The following SPEM1 variants were observed in gnomAD, a reference collection of about 807,000 sequenced individuals.
SPEM1 encodes the protein spermatid maturation protein 1.
A neutral mutation model predicts 9.0 loss-of-function variants in SPEM1; 10 were observed. The ratio of observed to expected loss-of-function variants is 1.11; its 90% CI spans 0.68 to 1.88. The LOEUF (loss-of-function observed/expected upper bound fraction) is 1.88, where lower values mean the gene tolerates loss of function less well. Ranked by LOEUF, SPEM1 falls within the 40% of genes most tolerant of loss-of-function variation. The probability of loss-of-function intolerance (pLI) is 0.00; values close to 1 mark genes in which losing one functional copy is unlikely to be tolerated. For missense variants in SPEM1, 401 were observed against 408.6 expected, an observed-to-expected ratio of 0.98 and a Z score of 0.16; for synonymous variants, 175 against 157.8, an observed-to-expected ratio of 1.11 and a Z score of -0.82.
chr17:7,420,832 C>G (rs1452298801), intron 2 of SPEM1, 49 bp from the exon 3 acceptor site: 57 of 1,605,694 alleles, frequency 3.5e-5, no homozygotes, highest in Admixed American at 5.0e-5. Flanking sequence ...CCTCTCCATG[C>G]CTGTAGGAGC....
rs750576839 is a variant in SPEM1 at position 7,420,651 on chromosome 17, T to G, written c.169T>G (p.Leu57Val). The G allele has an allele frequency of 6.2e-7, 1 of 1,614,092 alleles. No homozygotes were observed. The highest frequency in any genetic ancestry group is 2.2e-5 in the East Asian group (1 of 44,886). ...GCTCTGGAGCCGATTCCGTGGTGTC[T>G]TATACCAAGTGTTCCATGATACCAT... is the stretch of plus-strand genomic sequence containing the variant. ...TLLWSRFRGVLYQVFHDTICE... is the reference protein window; with the variant it reads ...TLLWSRFRGVVYQVFHDTICE... The change falls in exon 2 of 3, where the codon TTA becomes GTA. Residue 57 changes from leucine (L) to valine (V), a missense_variant. By Grantham distance (32) the Leu-to-Val change is conservative. Coordinates refer to ENST00000323675, the MANE Select transcript of SPEM1 (RefSeq NM_199339.3).
rs1471073927 is a variant in SPEM1, at chr17:7,420,548, G to A, written c.144+20G>A. The A allele has an allele frequency of 6.2e-7, 1 of 1,613,646 alleles. No individual in the cohort carries two copies. The highest frequency in any genetic ancestry group is 8.5e-7 in the Non-Finnish European group (1 of 1,179,648). On this transcript the variant is annotated intron_variant, in intron 1 of 2. Transcript: ENST00000323675. ...ACCCTGGTCAGGGTGGGGCCAGATGGGAGGGAGCTGGTGGGATAGTGGGGG... is the reference window on the plus strand; with the variant it reads ...ACCCTGGTCAGGGTGGGGCCAGATGAGAGGGAGCTGGTGGGATAGTGGGGG...
rs375200775 is a variant in SPEM1, at chr17:7,420,839, G to T, written c.206-42G>T. The stretch of plus-strand genomic sequence containing the variant: ...GGGCCCTGCCTCTCCATGCCTGTAG[G>T]AGCTGGCCTCCCCACTAGTCTCACC... On this transcript the variant is annotated intron_variant, in intron 2 of 2. Transcript: ENST00000323675. The T allele has an allele frequency of 1.2e-5, 19 of 1,606,982 alleles. No individual in the cohort carries two copies. In the African/African-American group the frequency reaches 2.1e-4, roughly 18 times the overall value.
In SPEM1 at chr17:7,421,067, A is replaced by C; in HGVS notation, c.392A>C (p.Asp131Ala). 1 of 1,614,058 alleles carries C rather than the reference A, an allele frequency of 6.2e-7. No homozygotes were observed. Among genetic ancestry groups the C allele is most frequent in the Non-Finnish European group, 8.5e-7 (1 of 1,179,998 alleles). Residue 131 changes from aspartate to alanine, a missense_variant, in exon 3 of 3, where the codon GAC (aspartate) becomes GCC (alanine). Physicochemically the swap from Asp to Ala is moderately radical, Grantham distance 126. Coordinates refer to ENST00000323675, the MANE Select transcript of SPEM1 (RefSeq NM_199339.3). This position sits in a 1 kb window ranked among gnomAD's most constrained non-coding sequence, Gnocchi z 4.8. The part of the protein sequence containing the change: ...CAHCPVAWAP[D>A]TDDEKPHQYP... Reference sequence around the variant, plus strand: ...CACTGCCCAGTAGCTTGGGCTCCTGACACTGATGACGAGAAGCCTCATCAG... The same window carrying C: ...CACTGCCCAGTAGCTTGGGCTCCTGCCACTGATGACGAGAAGCCTCATCAG...
Position 7,421,203 on chromosome 17 carries a change from C to T in SPEM1, c.528C>T (p.Pro176=). The T allele has an allele frequency of 6.2e-7, 1 of 1,613,976 alleles. No homozygotes were observed. The highest frequency in any genetic ancestry group is 8.5e-7 in the Non-Finnish European group (1 of 1,179,932). ...CTCAGGATGCCCCAGAGTCCCCTCC[C>T]CAGACCATCCGCTTCCAGCCTACCG... is the stretch of plus-strand genomic sequence containing the variant. The part of the protein sequence containing the change: ...PWSQDAPESP[P]QTIRFQPTVE... Residue 176 remains proline, a synonymous_variant, in exon 3 of 3, where the codon CCC becomes CCT. Transcript: ENST00000323675. The surrounding 1 kb of genome is among the most constrained non-coding windows in gnomAD (Gnocchi z 4.8).
Position 7,421,213 on chromosome 17 carries a change from C to T in SPEM1, c.538C>T (p.Arg180Cys), listed in dbSNP as rs778767672. 65 of 1,613,934 alleles carry T rather than the reference C, an allele frequency of 4.0e-5. 1 individual carries two copies. In the Admixed American group the frequency reaches 7.3e-4, roughly 18 times the overall value. The change falls in exon 3 of 3, where the codon CGC (arginine) becomes TGC (cysteine). Residue 180 changes from arginine (R) to cysteine (C), a missense_variant. Coordinates refer to ENST00000323675, the MANE Select transcript of SPEM1 (RefSeq NM_199339.3). This position sits in a 1 kb window ranked among gnomAD's most constrained non-coding sequence, Gnocchi z 4.8. ...DAPESPPQTIRFQPTVEERPL... is the reference protein window; with the variant it reads ...DAPESPPQTICFQPTVEERPL... ...CCCAGAGTCCCCTCCCCAGACCATC[C>T]GCTTCCAGCCTACCGTAGAGGAAAG...
rs751897125 is a variant in SPEM1, at chr17:7,420,662, G to C, written c.180G>C (p.Val60=). The change falls in exon 2 of 3, where the codon GTG becomes GTC. Residue 60 remains valine, a synonymous_variant. Transcript: ENST00000323675. Reference sequence around the variant, plus strand: ...GATTCCGTGGTGTCTTATACCAAGTGTTCCATGATACCATTTGTGAGAAAG... The same window carrying C: ...GATTCCGTGGTGTCTTATACCAAGTCTTCCATGATACCATTTGTGAGAAAG... The part of the protein sequence containing the change: ...WSRFRGVLYQ[V]FHDTICEKEA... 1 of 1,614,120 alleles carries C rather than the reference G, an allele frequency of 6.2e-7. No homozygotes were observed. The highest frequency in any genetic ancestry group is 1.3e-5 in the African/African-American group (1 of 75,022).
Position 7,420,433 on chromosome 17 carries a change from T to C in SPEM1, c.49T>C (p.Cys17Arg). The change falls in exon 1 of 3, where the codon TGC becomes CGC. Residue 17 changes from cysteine (C) to arginine (R), a missense_variant. Transcript: ENST00000323675. The part of the protein sequence containing the change: ...PRPEWASYHN[C>R]NSNSCQDLGN... ...GCCCGAGTGGGCCTCGTATCACAAC[T>C]GCAACAGCAACAGCTGCCAGGACCT... is the stretch of plus-strand genomic sequence containing the variant. The C allele has an allele frequency of 6.3e-7, 1 of 1,586,052 alleles. No individual in the cohort carries two copies. Among genetic ancestry groups the C allele is most frequent in the Non-Finnish European group, 8.6e-7 (1 of 1,165,976 alleles).
In SPEM1 at chr17:7,420,336, C is replaced by A. The variant is rs374188096; in HGVS notation, c.-49C>A. The A allele has an allele frequency of 2.0e-6, 3 of 1,463,954 alleles. No individual in the cohort carries two copies. Among genetic ancestry groups the A allele is most frequent in the South Asian group, 1.4e-5 (1 of 69,410 alleles). 90.7% of individuals were successfully genotyped at this position (1,463,954 alleles called of 1,614,324 possible). ...CAGGCAGGCAGTCAGTGGACACTGT[C>A]GGCACGGTGGGCTGGGGGCGTAAGG... On this transcript the variant is annotated 5_prime_UTR_variant, in exon 1 of 3. Coordinates refer to ENST00000323675, the MANE Select transcript of SPEM1 (RefSeq NM_199339.3).
In SPEM1 at chr17:7,420,502, A is replaced by G. The variant is rs183150632; in HGVS notation, c.118A>G (p.Asn40Asp). ...GCTGCTGGGCCTCATCATCTGCATT[A>G]ACATTAGCATCAATATAGTGACCCT... ...LLLLGLIICI[N>D]ISINIVTLLW... is the part of the protein sequence containing the mutation. The change falls in exon 1 of 3, where the codon AAC becomes GAC. Residue 40 changes from asparagine to aspartate, a missense_variant. Transcript: ENST00000323675. The G allele has an allele frequency of 1.2e-3, 2,009 of 1,612,960 alleles. 2 individuals carry two copies. Among genetic ancestry groups the G allele is most frequent in the Non-Finnish European group, 1.2e-3 (1,398 of 1,179,316 alleles).
chr17:7,420,662 G>T lies in SPEM1; in HGVS notation c.180G>T (p.Val60=), dbSNP rs751897125. 5 of 1,614,002 alleles carry T rather than the reference G, an allele frequency of 3.1e-6. No individual in the cohort carries two copies. Among genetic ancestry groups the T allele is most frequent in the Non-Finnish European group, 4.2e-6 (5 of 1,180,018 alleles). Residue 60 remains valine (V), a synonymous_variant, in exon 2 of 3, where the codon GTG becomes GTT. Coordinates refer to ENST00000323675, the MANE Select transcript of SPEM1 (RefSeq NM_199339.3). ...GATTCCGTGGTGTCTTATACCAAGTGTTCCATGATACCATTTGTGAGAAAG... is the reference window on the plus strand; with the variant it reads ...GATTCCGTGGTGTCTTATACCAAGTTTTCCATGATACCATTTGTGAGAAAG... The part of the protein sequence containing the change: ...WSRFRGVLYQ[V]FHDTICEKEA...
Position 7,421,355 on chromosome 17 carries a change from T to A in SPEM1, c.680T>A (p.Val227Glu). The A allele has an allele frequency of 6.2e-7, 1 of 1,613,402 alleles. No individual in the cohort carries two copies. Among genetic ancestry groups the A allele is most frequent in the Non-Finnish European group, 8.5e-7 (1 of 1,179,708 alleles). ...CACAAGAACGGTGGGGAGGGGGCGG[T>A]GCCAGAGGCAGAGGCGGCTCAGTAC... ...PSHKNGGEGA[V>E]PEAEAAQYQP... Residue 227 changes from valine (V) to glutamate (E), a missense_variant, in exon 3 of 3, where the codon GTG becomes GAG. Physicochemically the swap from Val to Glu is moderately radical, Grantham distance 121 (BLOSUM62 -2). Coordinates refer to ENST00000323675, the MANE Select transcript of SPEM1 (RefSeq NM_199339.3). This position sits in a 1 kb window ranked among gnomAD's most constrained non-coding sequence, Gnocchi z 4.8.
In SPEM1 at chr17:7,421,469, G is replaced by T; in HGVS notation, c.794G>T (p.Arg265Leu). 6.2e-7 allele frequency: 1 copy of T among 1,612,184 alleles called. No individual in the cohort carries two copies. The highest frequency in any genetic ancestry group is 8.5e-7 in the Non-Finnish European group (1 of 1,179,332). ...RSSGRIVYDA[R>L]DMRRRLRELT... Reference sequence around the variant, plus strand: ...TCAGGCCGAATAGTGTATGATGCCCGGGACATGAGACGGCGGCTTCGGGAA... The same window carrying T: ...TCAGGCCGAATAGTGTATGATGCCCTGGACATGAGACGGCGGCTTCGGGAA... The change falls in exon 3 of 3, where the codon CGG becomes CTG. Residue 265 changes from arginine to leucine, a missense_variant. Arg to Leu is a moderately radical substitution (Grantham distance 102, BLOSUM62 -2). Transcript: ENST00000323675. This position sits in a 1 kb window ranked among gnomAD's most constrained non-coding sequence, Gnocchi z 4.8.
In SPEM1 at chr17:7,420,887, C is replaced by T; in HGVS notation, c.212C>T (p.Pro71Leu). The change falls in exon 3 of 3, where the codon CCC becomes CTC. Residue 71 changes from proline (P) to leucine (L), a missense_variant. Coordinates refer to ENST00000323675, the MANE Select transcript of SPEM1 (RefSeq NM_199339.3). Reference sequence around the variant, plus strand: ...ACCTCTCCCCCATCCACAGAAGCTCCCAAGTCATCATTACTCAGAAAGCAG... The same window carrying T: ...ACCTCTCCCCCATCCACAGAAGCTCTCAAGTCATCATTACTCAGAAAGCAG... ...FHDTICEKEA[P>L]KSSLLRKQTQ... 6.2e-7 allele frequency: 1 copy of T among 1,613,684 alleles called. No individual in the cohort carries two copies. The highest frequency in any genetic ancestry group is 8.5e-7 in the Non-Finnish European group (1 of 1,179,872).
Position 7,421,555 on chromosome 17 carries a change from G to A in SPEM1, c.880G>A (p.Ala294Thr). The change falls in exon 3 of 3, where the codon GCC becomes ACC. Residue 294 changes from alanine to threonine, a missense_variant. Transcript: ENST00000323675. The surrounding 1 kb of genome is among the most constrained non-coding windows in gnomAD (Gnocchi z 4.8). ...CCCCCTAGCCTCTGGATCCAGCACT[G>A]CCGAGGAGACAAGCAAGAATTGGGT... ...CYPLASGSSTAEETSKNWVYR... is the reference protein window; with the variant it reads ...CYPLASGSSTTEETSKNWVYR... 6.5e-7 allele frequency: 1 copy of A among 1,544,996 alleles called. No individual in the cohort carries two copies.
chr17:7,420,411 C>G lies in SPEM1; in HGVS notation c.27C>G (p.Pro9=). 1 of 1,567,286 alleles carries G rather than the reference C, an allele frequency of 6.4e-7. No homozygotes were observed. The highest frequency in any genetic ancestry group is 8.7e-7 in the Non-Finnish European group (1 of 1,155,978). Residue 9 remains proline, a synonymous_variant, in exon 1 of 3, where the codon CCC becomes CCG. Coordinates refer to ENST00000323675, the MANE Select transcript of SPEM1 (RefSeq NM_199339.3). MAMVERPR[P]EWASYHNCNS... Reference sequence around the variant, plus strand: ...TGGCCATGGTTGAGCGGCCGAGGCCCGAGTGGGCCTCGTATCACAACTGCA... The same window carrying G: ...TGGCCATGGTTGAGCGGCCGAGGCCGGAGTGGGCCTCGTATCACAACTGCA...
At position 7,420,620 on chromosome 17, in the gene SPEM1, C is replaced by T. The variant is rs772782296; in HGVS notation, c.145-7C>T. 61 of 1,614,042 alleles carry T rather than the reference C, an allele frequency of 3.8e-5. No individual in the cohort carries two copies. The highest frequency in any genetic ancestry group is 5.1e-5 in the Non-Finnish European group (60 of 1,180,006). ...TACCTGGGATCACTGTGTCTTCCCC[C>T]ACCTAGCTCTGGAGCCGATTCCGTG... On this transcript the variant is annotated splice_polypyrimidine_tract_variant and splice_region_variant and intron_variant, in intron 1 of 2. Coordinates refer to ENST00000323675, the MANE Select transcript of SPEM1 (RefSeq NM_199339.3).
chr17:7,420,404 C>T lies in SPEM1; in HGVS notation c.20C>T (p.Pro7Leu), dbSNP rs761444320. MAMVER[P>L]RPEWASYHNC... ...GACCCCATGGCCATGGTTGAGCGGC[C>T]GAGGCCCGAGTGGGCCTCGTATCAC... Residue 7 changes from proline to leucine, a missense_variant, in exon 1 of 3, where the codon CCG becomes CTG. Pro to Leu is a moderately conservative substitution (Grantham distance 98, BLOSUM62 -3). Transcript: ENST00000323675. 1.5e-5 allele frequency: 24 copies of T among 1,553,162 alleles called. No homozygotes were observed. In the East Asian group the frequency reaches 1.6e-4, roughly 11 times the overall value.
chr17:7,421,160 G>A lies in SPEM1; in HGVS notation c.485G>A (p.Gly162Glu). The A allele has an allele frequency of 1.2e-6, 2 of 1,613,922 alleles. No homozygotes were observed. The highest frequency in any genetic ancestry group is 8.5e-7 in the Non-Finnish European group (1 of 1,179,906). Residue 162 changes from glycine to glutamate, a missense_variant, in exon 3 of 3, where the codon GGG becomes GAG. Physicochemically the swap from Gly to Glu is moderately conservative, Grantham distance 98. Transcript: ENST00000323675. This position sits in a 1 kb window ranked among gnomAD's most constrained non-coding sequence, Gnocchi z 4.8. ...TGGGAAGGCTTCCAACACACTCAGG[G>A]GACCTGGGTTCCCTGGTCTCAGGAT... ...EDWEGFQHTQ[G>E]TWVPWSQDAP...
Sources: allele counts gnomAD v4.1 joint callset, GRCh38; gene constraint gnomAD v4.1.1; non-coding constraint Gnocchi (gnomAD v3.1); transcripts MANE v1.5; gene names NCBI Gene and HGNC (gene_info 2026-07-23, HGNC 2026-07-21).